The following SFXN1 variants were observed in gnomAD, a reference collection of about 807,000 sequenced individuals.
SFXN1 encodes the protein sideroflexin 1, also known as sideroflexin-1.
In SFXN1, 32 loss-of-function variants were observed where a neutral mutation model predicts 39.5. That is an observed-to-expected ratio of 0.81 (90% CI 0.61 to 1.09). SFXN1 has a LOEUF of 1.09. Among genes scored for constraint, SFXN1 ranks in the 50% least tolerant of loss-of-function variants. The probability of loss-of-function intolerance (pLI) is 0.00; values close to 1 mark genes in which losing one functional copy is unlikely to be tolerated. For synonymous variants in SFXN1, 136 were observed against 146.5 expected (o/e 0.93, Z 0.52); for missense variants, 402 against 407.1 (o/e 0.99, Z 0.11).
chr5:175,502,736 G>T (rs956021047), intron 2 of SFXN1, among the ~76,000 whole-genome samples: 3 of 152,146 alleles, frequency 2.0e-5, no homozygotes, highest in African/African-American at 7.2e-5. Flanking sequence ...AGCTACCTGG[G>T]AGGCTGAGGC....
intron 2 of SFXN1, among the ~76,000 whole-genome samples, chr5:175,503,217 G>C (rs1339753495): frequency 6.6e-6 from 1 of 151,900 alleles, no homozygotes; most frequent in East Asian, 1.9e-4. Flanking sequence ...TGACTTTTAT[G>C]GTATTTAAAT....
chr5:175,522,393 CCT>C lies in SFXN1; in HGVS notation c.844_845del (p.Leu282ValfsTer23). 6.2e-7 allele frequency: 1 copy of C among 1,610,440 alleles called. No individual in the cohort carries two copies. The highest frequency in any genetic ancestry group is 8.5e-7 in the Non-Finnish European group (1 of 1,179,160). ...VGFCLVFATP[L>X]CCALFPQKSS... ...TTTTAAGTTTGGTGTTTGCTACACC[CCT>C]GTGTTGTGCCCTGTTTCCTCAGAAA... On this transcript the variant is annotated frameshift_variant, in exon 10 of 11. Transcript: ENST00000321442. LOFTEE classifies it high-confidence loss of function.
intron 2 of SFXN1, among the ~76,000 whole-genome samples, chr5:175,493,174 A>G (rs1257084659): frequency 6.6e-6 from 1 of 152,118 alleles, no homozygotes; most frequent in Non-Finnish European, 1.5e-5. Context: ...AATGGCATGA[A>G]GCCAGGAGGC....
At chr5:175,480,217 C>A (rs1032654096) in intron 1 of SFXN1, among the ~76,000 whole-genome samples, 1 of 152,030 alleles carries the variant, frequency 6.6e-6, no homozygotes, top group Non-Finnish European at 1.5e-5. Flanking sequence ...CTGGCTAAGC[C>A]GGTGAAACCC....
At chr5:175,524,125 A>AATATATAT (rs771042074) in intron 10 of SFXN1, 11 of 32,488 alleles carry the variant, frequency 3.4e-4, no homozygotes, top group South Asian at 2.8e-3. Context: ...AAAAAAAAAA[A>AATATATAT]ATATATATAT....
At position 175,522,366 on chromosome 5, in the gene SFXN1, T is replaced by C. The variant is rs998513027; in HGVS notation, c.825-9T>C. Reference sequence around the variant, plus strand: ...AAATGGTCTGACTTTTTTTTGTATTTTTTTTAAGTTTGGTGTTTGCTACAC... The same window carrying C: ...AAATGGTCTGACTTTTTTTTGTATTCTTTTTAAGTTTGGTGTTTGCTACAC... On this transcript the variant is annotated splice_polypyrimidine_tract_variant and intron_variant, in intron 9 of 10. Coordinates refer to ENST00000321442, the MANE Select transcript of SFXN1 (RefSeq NM_022754.7). The C allele has an allele frequency of 6.3e-7, 1 of 1,579,002 alleles. No homozygotes were observed. Among genetic ancestry groups the C allele is most frequent in the African/African-American group, 1.4e-5 (1 of 72,654 alleles).
chr5:175,487,457 G>T (rs1461921288), intron 1 of SFXN1, among the ~76,000 whole-genome samples: 1 of 152,122 alleles, frequency 6.6e-6, no homozygotes, highest in African/African-American at 2.4e-5. Context: ...CTACCAAGGT[G>T]TCTTCCTTTT....
intron 1 of SFXN1, among the ~76,000 whole-genome samples, chr5:175,483,006 C>G (rs528876552): frequency 6.6e-6 from 1 of 151,926 alleles, no homozygotes; most frequent in Non-Finnish European, 1.5e-5. Flanking sequence ...ATATGGAAGG[C>G]GTAAGTTAAT....
intron 2 of SFXN1, among the ~76,000 whole-genome samples, chr5:175,505,537 CAAT>C (rs3049011): frequency 0.13 from 18,413 of 143,566 alleles, 1,249 homozygotes; most frequent in African/African-American, 0.15. Context: ...AACTCCATCA[CAAT>C]AATAATAATA....
chr5:175,494,588 A>G (rs1021066239), intron 2 of SFXN1, among the ~76,000 whole-genome samples: 1 of 152,074 alleles, frequency 6.6e-6, no homozygotes, highest in Non-Finnish European at 1.5e-5. Context: ...TCTCTACAAA[A>G]AAAAGTACAA....
chr5:175,512,125 G>A lies in SFXN1; in HGVS notation c.525G>A (p.Leu175=). 2 of 1,614,144 alleles carry A rather than the reference G, an allele frequency of 1.2e-6. No homozygotes were observed. Among genetic ancestry groups the A allele is most frequent in the Non-Finnish European group, 1.7e-6 (2 of 1,180,024 alleles). Residue 175 remains leucine (L), a synonymous_variant, in exon 6 of 11, where the codon CTG becomes CTA. Transcript: ENST00000321442. ...CTCCTCTGCAGCATGTCTCACCACTGATAGGACGTTTTGTTCCCTTTGCTG... is the reference window on the plus strand; with the variant it reads ...CTCCTCTGCAGCATGTCTCACCACTAATAGGACGTTTTGTTCCCTTTGCTG... The part of the protein sequence containing the change: ...LNALTKHVSP[L]IGRFVPFAAV...
chr5:175,492,066 C>G (rs890515408), intron 1 of SFXN1, 29 bp from the exon 2 acceptor site: 1 of 1,577,990 alleles, frequency 6.3e-7, no homozygotes, highest in African/African-American at 1.4e-5. Context: ...GTAAGCCTTA[C>G]ACGAACTTGC....
rs1186527382 is a variant in SFXN1 at position 175,522,335 on chromosome 5, C to G, written c.825-40C>G. The G allele has an allele frequency of 4.5e-6, 7 of 1,544,416 alleles. No homozygotes were observed. In the East Asian group the frequency reaches 1.1e-4, roughly 25 times the overall value. ...ATAGAAAAATAAGCTGAAAATTAAC[C>G]ATTTAAAATGGTCTGACTTTTTTTT... On this transcript the variant is annotated intron_variant, in intron 9 of 10. Transcript: ENST00000321442.
chr5:175,494,195 A>G (rs1759769913), intron 2 of SFXN1, among the ~76,000 whole-genome samples: 1 of 152,174 alleles, frequency 6.6e-6, no homozygotes, highest in Admixed American at 6.5e-5. Context: ...GACCTGCCCT[A>G]TTTCAAGCAG....
In SFXN1 at chr5:175,529,277, G is replaced by C. The variant is rs374135465; in HGVS notation, c.*2543G>C. On this transcript the variant is annotated 3_prime_UTR_variant, in exon 11 of 11. Coordinates refer to ENST00000321442, the MANE Select transcript of SFXN1 (RefSeq NM_022754.7). ...CGCTTGAATCCGGGAGCTGGAGGTT[G>C]CAGTGAGCCAAGATCGCACCATTGC... The C allele has an allele frequency of 3.2e-4, 48 of 151,940 alleles. No individual in the cohort carries two copies. Among genetic ancestry groups the C allele is most frequent in the African/African-American group, 1.1e-3 (47 of 41,372 alleles). The allele number at this position is 151,940 out of a possible 1,614,324, so 9.4% of individuals were successfully genotyped here.
Position 175,522,401 on chromosome 5 carries a change from G to C in SFXN1, c.851G>C (p.Cys284Ser). ...FCLVFATPLC[C>S]ALFPQKSSMS... ...TTGGTGTTTGCTACACCCCTGTGTT[G>C]TGCCCTGTTTCCTCAGAAAAGGTAT... The change falls in exon 10 of 11, where the codon TGT becomes TCT. Residue 284 changes from cysteine to serine, a missense_variant. Physicochemically the swap from Cys to Ser is moderately radical, Grantham distance 112. Coordinates refer to ENST00000321442, the MANE Select transcript of SFXN1 (RefSeq NM_022754.7). The C allele has an allele frequency of 6.2e-7, 1 of 1,611,616 alleles. No homozygotes were observed. Among genetic ancestry groups the C allele is most frequent in the Non-Finnish European group, 8.5e-7 (1 of 1,179,522 alleles).
chr5:175,493,036 G>A (rs529809835), intron 2 of SFXN1, among the ~76,000 whole-genome samples: 12 of 152,256 alleles, frequency 7.9e-5, no homozygotes, highest in East Asian at 5.8e-4. Flanking sequence ...GGTAGATCAC[G>A]AGGTCAGGAG....
chr5:175,513,313 A>C lies in SFXN1; in HGVS notation c.597-150A>C, dbSNP rs924849617. ...TGAGACTGTAAAAAAAAAAAAAAAA[A>C]AAAAAAAAAAACAGATGTGTCAGTA... On this transcript the variant is annotated intron_variant, in intron 6 of 10. Transcript: ENST00000321442. 4.4e-4 allele frequency: 332 copies of C among 747,014 alleles called. 3 individuals are homozygous for C. In the African/African-American group the frequency reaches 5.5e-3, roughly 12 times the overall value. 46.3% of individuals were successfully genotyped at this position (747,014 alleles called of 1,614,324 possible).
At chr5:175,518,094 ACT>A (rs1221592209) in intron 8 of SFXN1, among the ~76,000 whole-genome samples, 1 of 152,070 alleles carries the variant, frequency 6.6e-6, no homozygotes, top group East Asian at 1.9e-4. Context: ...TGGGCAGGTG[ACT>A]CACGGAAATT....
Sources: allele counts gnomAD v4.1 joint callset (sites outside exome capture counted in the v4.1 genomes callset), GRCh38; gene constraint gnomAD v4.1.1; transcripts MANE v1.5; gene names NCBI Gene and HGNC (gene_info 2026-07-23, HGNC 2026-07-21).